PLCZ1: variants seen among roughly 807,000 people sequenced by gnomAD.
PLCZ1 encodes 1-phosphatidylinositol 4,5-bisphosphate phosphodiesterase zeta-1.
Under a neutral mutation model 76.8 loss-of-function variants are expected in PLCZ1, and 64 were observed. That is an observed-to-expected ratio of 0.83 (90% CI 0.68 to 1.03). The LOEUF is 1.03. Ranked by LOEUF, PLCZ1 falls within the 50% of genes least tolerant of loss-of-function variation. PLCZ1 has a pLI of 0.00. For synonymous variants in PLCZ1, 248 were observed against 230.8 expected, an observed-to-expected ratio of 1.07 and a Z score of -0.68; for missense variants, 751 against 713.7, an observed-to-expected ratio of 1.05 and a Z score of -0.60.
At chr12:18,716,851 A>AT (rs1958045324) in intron 5 of PLCZ1, among the ~76,000 whole-genome samples, 1 of 152,234 alleles carries the variant, frequency 6.6e-6, no homozygotes, top group African/African-American at 2.4e-5. Context: ...TAATAAAAAT[A>AT]AATTTAAGAA....
At chr12:18,653,057 C>T in the PLCZ1 span, among the ~76,000 whole-genome samples, 3 of 151,910 alleles carry the variant, frequency 2.0e-5, no homozygotes, top group South Asian at 2.1e-4. Context: ...AAAGTCTCCT[C>T]GAAACTTCTG....
chr12:18,693,577 A>ACGGGAATTG, intron 12 of PLCZ1: 1 of 1,598,458 alleles, frequency 6.3e-7, no homozygotes, highest in East Asian at 2.2e-5. Context: ...CCAAACTCGG[A>ACGGGAATTG]CGGGAATTGT....
In PLCZ1 at chr12:18,719,414, A is replaced by T. The variant is rs1958307844; in HGVS notation, c.569+17T>A. 3 of 1,372,268 alleles carry T rather than the reference A, an allele frequency of 2.2e-6. No homozygotes were observed. The highest frequency in any genetic ancestry group is 2.9e-6 in the Non-Finnish European group (3 of 1,031,900). The allele number at this position is 1,372,268 out of a possible 1,614,324, so 85.0% of individuals were successfully genotyped here. On this transcript the variant is annotated intron_variant, in intron 5 of 14. Transcript: ENST00000266505. ...AAGTATTTTTAAATGTAATAGATTT[A>T]AAAATAAAATAAATACCTTACATAT...
chr12:18,693,725 G>T, intron 12 of PLCZ1: 2 of 1,544,434 alleles, frequency 1.3e-6, no homozygotes, highest in Non-Finnish European at 8.9e-7. Context: ...GAACCAGTTG[G>T]ATGGATTTGA....
At chr12:18,728,260 G>A (rs530434943) in intron 3 of PLCZ1, among the ~76,000 whole-genome samples, 1 of 152,146 alleles carries the variant, frequency 6.6e-6, no homozygotes, top group African/African-American at 2.4e-5. Flanking sequence ...GAGATATGAA[G>A]AAATTATATC....
At chr12:18,722,694 A>G (rs994631625) in intron 4 of PLCZ1, among the ~76,000 whole-genome samples, 2 of 152,082 alleles carry the variant, frequency 1.3e-5, no homozygotes, top group Non-Finnish European at 2.9e-5. Context: ...TGAAAGATGG[A>G]ACAAAGATCA....
Position 18,712,893 on chromosome 12 carries a change from G to A in PLCZ1, c.663C>T (p.Ser221=). 6.2e-7 allele frequency: 1 copy of A among 1,613,882 alleles called. No individual in the cohort carries two copies. Among genetic ancestry groups the A allele is most frequent in the Non-Finnish European group, 8.5e-7 (1 of 1,179,836 alleles). ...PVVYHGYTLT[S]KLLFKTVIQA... ...GGATAACAGTTTTAAACAGAAGTTTGCTTGTGAGTGTGTAGCCATGATATA... is the reference window on the plus strand; with the variant it reads ...GGATAACAGTTTTAAACAGAAGTTTACTTGTGAGTGTGTAGCCATGATATA... The change falls in exon 6 of 15, where the codon AGC becomes AGT. Residue 221 remains serine (S), a synonymous_variant. Coordinates refer to ENST00000266505, the MANE Select transcript of PLCZ1 (RefSeq NM_033123.4).
intron 6 of PLCZ1, among the ~76,000 whole-genome samples, chr12:18,708,082 A>C (rs961439050): frequency 2.0e-5 from 3 of 152,192 alleles, no homozygotes; most frequent in Admixed American, 6.5e-5. Flanking sequence ...ATTACCTATA[A>C]TCCTCATATG....
At chr12:18,692,837 C>A in intron 12 of PLCZ1, 5 of 1,582,948 alleles carry the variant, frequency 3.2e-6, no homozygotes, top group Non-Finnish European at 4.3e-6. Flanking sequence ...AACTCAAGGA[C>A]AAGAAAAAGA....
chr12:18,683,818 AC>A (rs1428454352), intron 14 of PLCZ1, among the ~76,000 whole-genome samples: 3 of 151,902 alleles, frequency 2.0e-5, no homozygotes, highest in Non-Finnish European at 4.4e-5. Context: ...TCTGGTTGCC[AC>A]CCATCATCAT....
At chr12:18,690,440 G>A (rs1013774954) in intron 12 of PLCZ1, among the ~76,000 whole-genome samples, 27 of 152,102 alleles carry the variant, frequency 1.8e-4, no homozygotes, top group African/African-American at 6.5e-4. Flanking sequence ...AGCCAGGCTG[G>A]TCTTGAACTC....
At position 18,731,387 on chromosome 12, in the gene PLCZ1, T is replaced by C. The variant is rs1296641613; in HGVS notation, c.135+4834A>G. Among the ~76,000 whole-genome samples the C allele has an allele frequency of 2.0e-5, 3 of 152,116 alleles. No individual in the cohort carries two copies. In the South Asian group the frequency reaches 6.2e-4, roughly 31 times the overall value. On this transcript the variant is annotated intron_variant, in intron 3 of 14. Coordinates refer to ENST00000266505, the MANE Select transcript of PLCZ1 (RefSeq NM_033123.4). ...GCCCACCATAAAAGGCCCAGGTTCCTTAAGCTTAAGGTACCTACTCTATAA... is the reference window on the plus strand; with the variant it reads ...GCCCACCATAAAAGGCCCAGGTTCCCTAAGCTTAAGGTACCTACTCTATAA...
At chr12:18,735,746 CTT>C (rs1959206843) in intron 3 of PLCZ1, 1 of 152,812 alleles carries the variant, frequency 6.5e-6, no homozygotes, top group Non-Finnish European at 1.5e-5. Context: ...ACTCCTCTCT[CTT>C]TTTTCTTACT....
the PLCZ1 span, among the ~76,000 whole-genome samples, chr12:18,650,511 T>C: frequency 6.7e-6 from 1 of 150,136 alleles, no homozygotes; most frequent in East Asian, 2.0e-4. Flanking sequence ...TGAAAAAAAA[T>C]TAAGCTATTT....
At chr12:18,712,380 C>A (rs891403123) in intron 6 of PLCZ1, among the ~76,000 whole-genome samples, 4 of 152,076 alleles carry the variant, frequency 2.6e-5, no homozygotes, top group African/African-American at 4.8e-5. Flanking sequence ...ATTTTTGAAT[C>A]CAAAGTAAAC....
the PLCZ1 span, among the ~76,000 whole-genome samples, chr12:18,655,054 TA>T: frequency 6.6e-6 from 1 of 151,086 alleles, no homozygotes; most frequent in African/African-American, 2.4e-5. Flanking sequence ...GAAACAATAA[TA>T]AAAAAAAATA....
chr12:18,735,690 G>A (rs942554973), intron 3 of PLCZ1: 1 of 151,516 alleles, frequency 6.6e-6, no homozygotes, highest in Non-Finnish European at 1.5e-5. Context: ...TTTCATTTTT[G>A]TGAGATCTGT....
At chr12:18,649,671 G>A in the PLCZ1 span, among the ~76,000 whole-genome samples, 2 of 152,094 alleles carry the variant, frequency 1.3e-5, no homozygotes, top group South Asian at 2.1e-4. Context: ...CCATTTCAAT[G>A]AAACTACTTT....
At chr12:18,650,347 ATGTGTGTGTGTG>A in the PLCZ1 span, among the ~76,000 whole-genome samples, 387 of 114,558 alleles carry the variant, frequency 3.4e-3, 1 homozygote, top group Middle Eastern at 0.023. Flanking sequence ...ATATATATAT[ATGTGTGTGTGTG>A]TGTGTGTGTG....
Sources: allele counts gnomAD v4.1 joint callset (sites outside exome capture counted in the v4.1 genomes callset), GRCh38; gene constraint gnomAD v4.1.1; transcripts MANE v1.5; gene names NCBI Gene and HGNC (gene_info 2026-07-23, HGNC 2026-07-21).